PPL: variants seen among roughly 807,000 people sequenced by gnomAD.
PPL encodes the protein 190 kDa paraneoplastic pemphigus antigen.
PPL carries 198 observed loss-of-function variants against 194.4 expected under a neutral mutation model. The observed-to-expected ratio is 1.02, with a 90% CI of 0.91 to 1.15. PPL has a LOEUF of 1.15. PPL is among the 50% of genes most tolerant of loss of function. The pLI is 0.00. For synonymous variants in PPL, 1,220 were observed against 972.4 expected, an observed-to-expected ratio of 1.25 and a Z score of -4.74; for missense variants, 2,885 against 2,294.8, an observed-to-expected ratio of 1.26 and a Z score of -5.25.
chr16:4,884,091 T>C lies in PPL; in HGVS notation c.4564A>G (p.Ser1522Gly). Reference sequence around the variant, plus strand: ...TTGCTGCGGCTCTCCTCCTCCAGGCTGCTCTTGAGCCTCTGGATCTCTTGC... The same window carrying C: ...TTGCTGCGGCTCTCCTCCTCCAGGCCGCTCTTGAGCCTCTGGATCTCTTGC... ...TEQEIQRLKS[S>G]LEEESRSKRE... Residue 1522 changes from serine (S) to glycine (G), a missense_variant, in exon 22 of 22, where the codon AGC becomes GGC. Physicochemically the swap from Ser to Gly is moderately conservative, Grantham distance 56. Coordinates refer to ENST00000345988, the MANE Select transcript of PPL (RefSeq NM_002705.5). The surrounding 1 kb of genome is among the most constrained non-coding windows in gnomAD (Gnocchi z 5.7). 1 of 1,613,080 alleles carries C rather than the reference T, an allele frequency of 6.2e-7. No homozygotes were observed. Among genetic ancestry groups the C allele is most frequent in the Admixed American group, 1.7e-5 (1 of 59,876 alleles).
At chr16:4,927,187 T>C (rs763137815) in intron 1 of PPL, among the ~76,000 whole-genome samples, 86 of 152,280 alleles carry the variant, frequency 5.6e-4, no homozygotes, top group Admixed American at 3.9e-3. Context: ...CCAAGCTATA[T>C]GCCATTTTAT....
At chr16:4,923,513 G>C (rs780155330) in intron 1 of PPL, among the ~76,000 whole-genome samples, 3 of 152,196 alleles carry the variant, frequency 2.0e-5, no homozygotes, top group African/African-American at 7.2e-5. Flanking sequence ...GGGCTCCCTG[G>C]GTGGGGGTGG....
At chr16:4,912,337 A>G (rs374536356) in intron 1 of PPL, among the ~76,000 whole-genome samples, 1 of 152,282 alleles carries the variant, frequency 6.6e-6, no homozygotes, top group Admixed American at 6.5e-5. Flanking sequence ...TTCTCTCAGC[A>G]TAATGTTTTC....
At chr16:4,895,521 G>A in intron 10 of PPL, 73 bp downstream of exon 10, 1 of 1,610,004 alleles carries the variant, frequency 6.2e-7, no homozygotes, top group Non-Finnish European at 8.5e-7. Context: ...GGCCTGTACA[G>A]GGCTGAGGGC....
At chr16:4,913,104 GA>G (rs1047415979) in intron 1 of PPL, among the ~76,000 whole-genome samples, 23 of 141,624 alleles carry the variant, frequency 1.6e-4, no homozygotes, top group Non-Finnish European at 2.6e-4. Flanking sequence ...ACTCCATCTC[GA>G]AAAAAAAAAA....
chr16:4,883,246 T>A lies in PPL; in HGVS notation c.*138A>T. The A allele has an allele frequency of 5.7e-6, 7 of 1,224,608 alleles. No homozygotes were observed. The highest frequency in any genetic ancestry group is 8.0e-6 in the Non-Finnish European group (7 of 873,548). The allele number at this position is 1,224,608 out of a possible 1,614,324, so 75.9% of individuals were successfully genotyped here. On this transcript the variant is annotated 3_prime_UTR_variant, in exon 22 of 22. Coordinates refer to ENST00000345988, the MANE Select transcript of PPL (RefSeq NM_002705.5). This position sits in a 1 kb window ranked among gnomAD's most constrained non-coding sequence, Gnocchi z 4.8. ...TGCCTGTCTCATATGTGGGCGGGAC[T>A]CTGAGCAGCCTGGCAGCGAGGGTAT...
At chr16:4,920,207 C>G (rs11865981) in intron 1 of PPL, among the ~76,000 whole-genome samples, 5 of 150,950 alleles carry the variant, frequency 3.3e-5, no homozygotes, top group African/African-American at 7.3e-5. Flanking sequence ...TTGCTTGAAC[C>G]TGGGAGGTGG....
At chr16:4,893,671 C>T in intron 12 of PPL, 33 bp from the exon 13 acceptor site, 2 of 1,529,470 alleles carry the variant, frequency 1.3e-6, no homozygotes, top group South Asian at 1.2e-5. Flanking sequence ...GGAACCTGGG[C>T]AGCCCACCAC....
chr16:4,935,282 A>G (rs1475497853), intron 1 of PPL, among the ~76,000 whole-genome samples: 1 of 152,070 alleles, frequency 6.6e-6, no homozygotes, highest in Non-Finnish European at 1.5e-5. Context: ...GGCCTTCAGG[A>G]TGGAGAGCTG....
chr16:4,910,366 A>C (rs1363969276), intron 2 of PPL, among the ~76,000 whole-genome samples: 1 of 152,144 alleles, frequency 6.6e-6, no homozygotes, highest in Non-Finnish European at 1.5e-5. Flanking sequence ...ACCCCGCCAA[A>C]TGGGAACCAT....
In PPL at chr16:4,885,363, G is replaced by C. The variant is rs942625221; in HGVS notation, c.3292C>G (p.Leu1098Val). 6.2e-7 allele frequency: 1 copy of C among 1,612,854 alleles called. No homozygotes were observed. The highest frequency in any genetic ancestry group is 8.5e-7 in the Non-Finnish European group (1 of 1,179,982). The stretch of plus-strand genomic sequence containing the variant: ...GCCCGCTCCTTCTCTAGCCTCTTGA[G>C]CTTGTCCTGGAGGAAGCTCAGCTCC... ...EEELSFLQDK[L>V]KRLEKERAMA... The change falls in exon 22 of 22, where the codon CTC becomes GTC. Residue 1098 changes from leucine to valine, a missense_variant. Leu to Val is a conservative substitution (Grantham distance 32, BLOSUM62 1). Transcript: ENST00000345988. The surrounding 1 kb of genome is among the most constrained non-coding windows in gnomAD (Gnocchi z 6.3).
intron 20 of PPL, 58 bp from the exon 21 acceptor site, chr16:4,887,285 CAG>C (rs2088234719): frequency 7.7e-7 from 1 of 1,293,792 alleles, no homozygotes; most frequent in Non-Finnish European, 1.1e-6. Context: ...GGGTAAGCAA[CAG>C]AGAGCTAGAC....
rs145271692 is a variant in PPL at position 4,921,413 on chromosome 16, C to G, written c.63-10464G>C. ...GGGGCCTGGGGGCCTCAGATGGCAT[C>G]AGGTCTCCTGGCTCTGTCGCCAGGA... On this transcript the variant is annotated intron_variant, in intron 1 of 21. Transcript: ENST00000345988. Among the ~76,000 whole-genome samples the G allele has an allele frequency of 7.1e-3, 1,077 of 152,296 alleles. 1 individual carries two copies. Among genetic ancestry groups the G allele is most frequent in the Non-Finnish European group, 0.01 (690 of 68,028 alleles).
Position 4,899,282 on chromosome 16 carries a change from T to A in PPL, c.709A>T (p.Met237Leu), listed in dbSNP as rs768853450. 2 of 1,613,844 alleles carry A rather than the reference T, an allele frequency of 1.2e-6. No individual in the cohort carries two copies. Among genetic ancestry groups the A allele is most frequent in the Non-Finnish European group, 1.7e-6 (2 of 1,179,968 alleles). ...YWLDQQAKGR[M>L]QYDWSDRNLD... ...TTGCGGTCACTCCAGTCGTACTGCA[T>A]GCGGCCCTTGGCCTGCTGGTCCAGC... Residue 237 changes from methionine (M) to leucine (L), a missense_variant, in exon 7 of 22, where the codon ATG becomes TTG. By Grantham distance (15) the Met-to-Leu change is conservative (BLOSUM62 2). Coordinates refer to ENST00000345988, the MANE Select transcript of PPL (RefSeq NM_002705.5).
At position 4,888,213 on chromosome 16, in the gene PPL, A is replaced by G. The variant is rs2088250302; in HGVS notation, c.2403T>C (p.Tyr801=). Reference sequence around the variant, plus strand: ...ACCTTAGTTTTTCTGCTTCTAACTCATAGTCCTGCATGAGGGAGAGACATG... The same window carrying G: ...ACCTTAGTTTTTCTGCTTCTAACTCGTAGTCCTGCATGAGGGAGAGACATG... ...SQQYQQAVKD[Y]ELEAEKLRSL... Residue 801 remains tyrosine, a synonymous_variant, in exon 20 of 22, where the codon TAT becomes TAC. Coordinates refer to ENST00000345988, the MANE Select transcript of PPL (RefSeq NM_002705.5). The G allele has an allele frequency of 6.3e-7, 1 of 1,595,468 alleles. No homozygotes were observed. Among genetic ancestry groups the G allele is most frequent in the Non-Finnish European group, 8.6e-7 (1 of 1,163,180 alleles).
intron 1 of PPL, among the ~76,000 whole-genome samples, chr16:4,916,006 G>A (rs2088909545): frequency 6.6e-6 from 1 of 152,142 alleles, no homozygotes; most frequent in Non-Finnish European, 1.5e-5. Context: ...ACACCGGGAT[G>A]CCACTTTTCA....
chr16:4,893,139 G>T lies in PPL; in HGVS notation c.1650+74C>A, dbSNP rs2088350256. The T allele has an allele frequency of 7.0e-7, 1 of 1,424,910 alleles. No individual in the cohort carries two copies. The highest frequency in any genetic ancestry group is 2.5e-5 in the East Asian group (1 of 39,552). 88.3% of individuals were successfully genotyped at this position (1,424,910 alleles called of 1,614,324 possible). Reference sequence around the variant, plus strand: ...ATATCCCAAGACTCCATGGGGAAAAGACCTCAAATAGGGGCCCCAGGGGGC... The same window carrying T: ...ATATCCCAAGACTCCATGGGGAAAATACCTCAAATAGGGGCCCCAGGGGGC... On this transcript the variant is annotated intron_variant, in intron 14 of 21. Transcript: ENST00000345988.
Position 4,883,425 on chromosome 16 carries a change from A to C in PPL, c.5230T>G (p.Ser1744Ala). The change falls in exon 22 of 22, where the codon TCC (serine) becomes GCC (alanine). Residue 1744 changes from serine (S) to alanine (A), a missense_variant. Ser to Ala is a moderately conservative substitution (Grantham distance 99, BLOSUM62 1). Coordinates refer to ENST00000345988, the MANE Select transcript of PPL (RefSeq NM_002705.5). This position sits in a 1 kb window ranked among gnomAD's most constrained non-coding sequence, Gnocchi z 4.8. ...QYDRYVNKDM[S>A]IQELAVLVSG... Reference sequence around the variant, plus strand: ...ACCAAGACCGCCAGCTCCTGGATGGACATATCCTTGTTGACATAGCGGTCA... The same window carrying C: ...ACCAAGACCGCCAGCTCCTGGATGGCCATATCCTTGTTGACATAGCGGTCA... 1 of 1,614,160 alleles carries C rather than the reference A, an allele frequency of 6.2e-7. No individual in the cohort carries two copies. The highest frequency in any genetic ancestry group is 1.1e-5 in the South Asian group (1 of 91,076).
At chr16:4,896,640 T>TG (rs1003452332) in intron 9 of PPL, among the ~76,000 whole-genome samples, 2 of 105,440 alleles carry the variant, frequency 1.9e-5, no homozygotes, top group African/African-American at 1.0e-4. Flanking sequence ...TACGGGGTTG[T>TG]TTTTTTTTTT....
Sources: allele counts gnomAD v4.1 joint callset (sites outside exome capture counted in the v4.1 genomes callset), GRCh38; gene constraint gnomAD v4.1.1; non-coding constraint Gnocchi (gnomAD v3.1); transcripts MANE v1.5; gene names NCBI Gene and HGNC (gene_info 2026-07-23, HGNC 2026-07-21).